RTL4: variants seen among roughly 807,000 people sequenced by gnomAD.
RTL4 encodes the protein retrotransposon Gag-like protein 4.
A neutral mutation model predicts 5.3 loss-of-function variants in RTL4; 4 were observed. The ratio of observed to expected loss-of-function variants is 0.75; its 90% CI spans 0.37 to 1.72. RTL4 has a LOEUF of 1.72. RTL4 is among the 40% of genes most tolerant of loss of function. The probability of loss-of-function intolerance (pLI) is 0.04; values close to 1 mark genes in which losing one functional copy is unlikely to be tolerated. For synonymous variants in RTL4, 98 were observed against 87.3 expected, an observed-to-expected ratio of 1.12 and a Z score of -0.68; for missense variants, 260 against 227.1, an observed-to-expected ratio of 1.14 and a Z score of -0.93.
chrX:112,449,191 T>C, the RTL4 span, among the ~76,000 whole-genome samples: 2 of 111,278 alleles, frequency 1.8e-5, no homozygotes, highest in African/African-American at 6.5e-5. Context: ...TTTAATCTCA[T>C]TCCCAGGCAG....
chrX:112,257,570 G>C, the RTL4 span, among the ~76,000 whole-genome samples: 1 of 110,648 alleles, frequency 9.0e-6, no homozygotes, highest in East Asian at 2.8e-4. Flanking sequence ...CTAAGACCAA[G>C]ATGCCAGCAG....
chrX:112,143,936 A>C, the RTL4 span, among the ~76,000 whole-genome samples: 17 of 112,546 alleles, frequency 1.5e-4, no homozygotes, highest in African/African-American at 5.2e-4. Context: ...CTGCAACGTA[A>C]AACATGTTTT....
At chrX:112,130,857 G>A in the RTL4 span, among the ~76,000 whole-genome samples, 2 of 103,274 alleles carry the variant, frequency 1.9e-5, no homozygotes, top group African/African-American at 7.4e-5. Context: ...GCAGTGGTGC[G>A]ATCTCAGCTC....
chrX:112,143,512 A>C, the RTL4 span, among the ~76,000 whole-genome samples: 1 of 111,928 alleles, frequency 8.9e-6, no homozygotes, highest in Non-Finnish European at 1.9e-5. Context: ...ATTAGGATAC[A>C]GTCATTAGAA....
At chrX:112,291,232 C>G in the RTL4 span, among the ~76,000 whole-genome samples, 137 of 110,526 alleles carry the variant, frequency 1.2e-3, no homozygotes, top group Non-Finnish European at 1.9e-3. Flanking sequence ...GGGACCACCA[C>G]AGATCAACAT....
chrX:112,190,364 T>A, the RTL4 span, among the ~76,000 whole-genome samples: 1 of 110,657 alleles, frequency 9.0e-6, no homozygotes, highest in Non-Finnish European at 1.9e-5. Context: ...TTTGGAAACA[T>A]CTTTTCCACT....
the RTL4 span, among the ~76,000 whole-genome samples, chrX:112,407,326 G>A: frequency 5.4e-5 from 6 of 111,108 alleles, no homozygotes; most frequent in African/African-American, 2.0e-4. Context: ...TGACTGCAGG[G>A]GCCTTGGACC....
chrX:112,263,987 G>A, the RTL4 span, among the ~76,000 whole-genome samples: 128 of 111,537 alleles, frequency 1.1e-3, 2 homozygotes, highest in Non-Finnish European at 5.3e-4. Context: ...CTAATAGTGG[G>A]TGTGGTTGCT....
At chrX:112,242,242 G>A in the RTL4 span, among the ~76,000 whole-genome samples, 1 of 111,936 alleles carries the variant, frequency 8.9e-6, no homozygotes, top group Non-Finnish European at 1.9e-5. Context: ...GAAGGTCATT[G>A]GTAGCTTGAT....
the RTL4 span, among the ~76,000 whole-genome samples, chrX:112,228,019 C>G: frequency 5.4e-5 from 6 of 111,276 alleles, no homozygotes; most frequent in Admixed American, 5.8e-4. Flanking sequence ...CTAGTCTGCA[C>G]TGAAAAACTG....
chrX:112,372,510 G>A, the RTL4 span, among the ~76,000 whole-genome samples: 1 of 111,019 alleles, frequency 9.0e-6, no homozygotes, highest in Non-Finnish European at 1.9e-5. Context: ...GAAGCAGTGA[G>A]TTTTTGCCTG....
At chrX:112,259,136 C>T in the RTL4 span, among the ~76,000 whole-genome samples, 1 of 110,869 alleles carries the variant, frequency 9.0e-6, no homozygotes, top group Non-Finnish European at 1.9e-5. Flanking sequence ...ATGTTTAAAT[C>T]GAAAAAGTCC....
At chrX:112,361,688 T>A in the RTL4 span, among the ~76,000 whole-genome samples, 1 of 110,762 alleles carries the variant, frequency 9.0e-6, no homozygotes, top group East Asian at 2.9e-4. Context: ...TCATGGAATG[T>A]CCTCCATGAG....
At chrX:112,393,789 C>G in the RTL4 span, among the ~76,000 whole-genome samples, 1 of 111,834 alleles carries the variant, frequency 8.9e-6, no homozygotes, top group South Asian at 3.7e-4. Flanking sequence ...ACCAGTGGGT[C>G]TTATCCTGTG....
the RTL4 span, among the ~76,000 whole-genome samples, chrX:112,425,086 A>G: frequency 2.1e-4 from 23 of 111,205 alleles, no homozygotes; most frequent in African/African-American, 7.5e-4. Context: ...CTGCCTATTC[A>G]TCCCTCCCTT....
the RTL4 span, among the ~76,000 whole-genome samples, chrX:112,126,785 C>T: frequency 9.0e-6 from 1 of 111,577 alleles, no homozygotes; most frequent in African/African-American, 3.3e-5. Context: ...AACAATTATA[C>T]CCCAACAAAT....
At chrX:112,243,470 T>G in the RTL4 span, among the ~76,000 whole-genome samples, 2 of 111,924 alleles carry the variant, frequency 1.8e-5, no homozygotes, top group Non-Finnish European at 3.8e-5. Context: ...CTAGATTTTC[T>G]AGTATATTTG....
chrX:112,358,140 ACT>A, the RTL4 span, among the ~76,000 whole-genome samples: 1 of 109,523 alleles, frequency 9.1e-6, no homozygotes, highest in Non-Finnish European at 1.9e-5. Flanking sequence ...GCAGGGTCTC[ACT>A]CTGTTGTCCA....
chrX:112,310,602 A>G, the RTL4 span, among the ~76,000 whole-genome samples: 1 of 56,308 alleles, frequency 1.8e-5, no homozygotes, highest in Non-Finnish European at 2.8e-5. Context: ...TATATTATAT[A>G]TATTTATATA....
Sources: allele counts gnomAD v4.1 joint callset (sites outside exome capture counted in the v4.1 genomes callset), GRCh38; gene constraint gnomAD v4.1.1; transcripts MANE v1.5; gene names NCBI Gene and HGNC (gene_info 2026-07-23, HGNC 2026-07-21).